LARGE1: variants seen among roughly 807,000 people sequenced by gnomAD.
LARGE1 encodes LARGE xylosyl- and glucuronyltransferase 1.
Under a neutral mutation model 87.6 loss-of-function variants are expected in LARGE1, and 43 were observed. That is an observed-to-expected ratio of 0.49 (90% confidence interval 0.38 to 0.63). LARGE1 has a LOEUF of 0.63. LARGE1 is among the 30% of genes least tolerant of loss of function. The pLI, the probability that LARGE1 is intolerant of heterozygous loss-of-function variation, is 0.00. For missense variants in LARGE1, 802 were observed against 1,000.2 expected, an observed-to-expected ratio of 0.80 and a Z score of 2.67; for synonymous variants, 434 against 394.6, an observed-to-expected ratio of 1.10 and a Z score of -1.18.
chr22:33,459,228 G>A lies in LARGE1; in HGVS notation c.788-26963C>T, dbSNP rs542018720. On this transcript the variant is annotated intron_variant, in intron 6 of 14. Transcript: ENST00000397394. ...ATTTTTACCTTCCATTTAACAGAAC[G>A]AAAACTGAAGCTCAGAGGCAGTGAA... Among the ~76,000 whole-genome samples, 4 of 152,056 alleles carry A rather than the reference G, an allele frequency of 2.6e-5. No homozygotes were observed. In the South Asian group the frequency reaches 8.3e-4, roughly 32 times the overall value.
chr22:33,526,669 A>G (rs1299554279), intron 6 of LARGE1, among the ~76,000 whole-genome samples: 1 of 152,264 alleles, frequency 6.6e-6, no homozygotes, highest in African/African-American at 2.4e-5. Context: ...ACACAAGTCC[A>G]TCAACTGCAA....
At chr22:33,576,984 C>T (rs2078372837) in intron 5 of LARGE1, among the ~76,000 whole-genome samples, 1 of 151,908 alleles carries the variant, frequency 6.6e-6, no homozygotes, top group Non-Finnish European at 1.5e-5. Context: ...AATACAGAAC[C>T]CACAGATATA....
chr22:33,183,632 A>ACGCACG (rs1555880691), intron 11 of LARGE1, among the ~76,000 whole-genome samples: 6 of 125,000 alleles, frequency 4.8e-5, no homozygotes, highest in South Asian at 2.5e-4. Flanking sequence ...ACACACACAC[A>ACGCACG]CACACACACA....
At chr22:33,115,645 G>A in the LARGE1 span, among the ~76,000 whole-genome samples, 5 of 151,544 alleles carry the variant, frequency 3.3e-5, no homozygotes, top group Non-Finnish European at 7.4e-5. Flanking sequence ...GTGAAACCTC[G>A]TCTCTACTAA....
chr22:33,284,938 T>C (rs1931233517), intron 12 of LARGE1, among the ~76,000 whole-genome samples: 1 of 152,202 alleles, frequency 6.6e-6, no homozygotes. Context: ...TTATGAGACC[T>C]GCCATCCTGG....
chr22:33,520,674 C>A (rs189497024), intron 6 of LARGE1, among the ~76,000 whole-genome samples: 1 of 152,204 alleles, frequency 6.6e-6, no homozygotes, highest in African/African-American at 2.4e-5. Flanking sequence ...AAGTGTTCTG[C>A]GTCTTTCTGT....
chr22:33,381,441 G>C (rs1325410339), intron 9 of LARGE1, among the ~76,000 whole-genome samples: 3 of 152,104 alleles, frequency 2.0e-5, no homozygotes, highest in Non-Finnish European at 4.4e-5. Flanking sequence ...ATTTATGCTT[G>C]CATCTCCCCG....
At chr22:33,712,426 G>C (rs1251213259) in intron 2 of LARGE1, among the ~76,000 whole-genome samples, 2 of 152,118 alleles carry the variant, frequency 1.3e-5, no homozygotes, top group Non-Finnish European at 2.9e-5. Context: ...CACAAGAGGG[G>C]CATGTTCACT....
At chr22:33,353,967 T>C (rs867495479) in intron 9 of LARGE1, among the ~76,000 whole-genome samples, 1 of 152,352 alleles carries the variant, frequency 6.6e-6, no homozygotes, top group Middle Eastern at 3.4e-3. Flanking sequence ...AGCATTACAA[T>C]TGTACAATAC....
intron 1 of LARGE1, among the ~76,000 whole-genome samples, chr22:33,918,840 C>G (rs954482233): frequency 6.6e-6 from 1 of 152,166 alleles, no homozygotes; most frequent in African/African-American, 2.4e-5. Flanking sequence ...ATCTGCATGT[C>G]AGGGAGGCGG....
the LARGE1 span, among the ~76,000 whole-genome samples, chr22:33,068,697 C>T: frequency 6.6e-6 from 1 of 152,196 alleles, no homozygotes; most frequent in Non-Finnish European, 1.5e-5. Context: ...CTGCAATGCA[C>T]TCCTCTGGCT....
intron 3 of LARGE1, among the ~76,000 whole-genome samples, chr22:33,648,633 A>G (rs2080694308): frequency 6.6e-6 from 1 of 152,204 alleles, no homozygotes; most frequent in Non-Finnish European, 1.5e-5. Flanking sequence ...AGACCAAAGG[A>G]ATTTGTTAAC....
intron 11 of LARGE1, among the ~76,000 whole-genome samples, chr22:33,310,593 T>G (rs1182281883): frequency 6.6e-6 from 1 of 152,190 alleles, no homozygotes; most frequent in African/African-American, 2.4e-5. Flanking sequence ...GGCATTCACG[T>G]AGGGCCTACT....
chr22:33,475,213 T>A (rs896336106), intron 6 of LARGE1, among the ~76,000 whole-genome samples: 1 of 152,130 alleles, frequency 6.6e-6, no homozygotes, highest in African/African-American at 2.4e-5. Context: ...AGGGTTTGAA[T>A]CTCTGTTTCA....
chr22:33,819,859 G>A (rs1424498930), intron 1 of LARGE1, among the ~76,000 whole-genome samples: 1 of 152,174 alleles, frequency 6.6e-6, no homozygotes, highest in Non-Finnish European at 1.5e-5. Flanking sequence ...CACAGGATGA[G>A]ACACTTCCTA....
intron 2 of LARGE1, among the ~76,000 whole-genome samples, chr22:33,655,264 T>C (rs773581511): frequency 6.6e-6 from 1 of 152,172 alleles, no homozygotes. Context: ...CTACCTCCCA[T>C]TAGTTGAAGG....
rs540334238 is a variant in LARGE1, at chr22:33,393,221, A to T, written c.893-8917T>A. Among the ~76,000 whole-genome samples, 82 of 152,334 alleles carry T rather than the reference A, an allele frequency of 5.4e-4. 1 individual carries two copies. Among genetic ancestry groups the T allele is most frequent in the African/African-American group, 2.0e-3 (82 of 41,578 alleles). ...GGAGTTTGCACTCAGGTCATAAAAG[A>T]CTTGAGAAACAACATTTCCAAGAGA... On this transcript the variant is annotated intron_variant, in intron 7 of 14. Coordinates refer to ENST00000397394, the MANE Select transcript of LARGE1 (RefSeq NM_133642.5).
chr22:33,841,346 T>C (rs894251451), intron 1 of LARGE1, among the ~76,000 whole-genome samples: 1 of 152,154 alleles, frequency 6.6e-6, no homozygotes, highest in Non-Finnish European at 1.5e-5. Context: ...AAGGACTGAA[T>C]AGTTCACAAT....
At chr22:33,305,358 T>TAAA (rs60727771) in intron 11 of LARGE1, among the ~76,000 whole-genome samples, 5,006 of 98,520 alleles carry the variant, frequency 0.051, 128 homozygotes, top group Non-Finnish European at 0.066. Flanking sequence ...GGGAAAAAAT[T>TAAA]AAAAAAAAAA....
Sources: allele counts gnomAD v4.1 joint callset (sites outside exome capture counted in the v4.1 genomes callset), GRCh38; gene constraint gnomAD v4.1.1; transcripts MANE v1.5; gene names NCBI Gene and HGNC (gene_info 2026-07-23, HGNC 2026-07-21).